SLC37A1: variants seen among roughly 807,000 people sequenced by gnomAD.
SLC37A1 encodes solute carrier family 37 member 1.
A neutral mutation model predicts 75.3 loss-of-function variants in SLC37A1; 49 were observed. The observed-to-expected ratio is 0.65, with a 90% CI of 0.52 to 0.83. The LOEUF is 0.83. Ranked by LOEUF, SLC37A1 falls within the 40% of genes least tolerant of loss-of-function variation. SLC37A1 has a pLI of 0.00. For synonymous variants in SLC37A1, 268 were observed against 292.1 expected, an observed-to-expected ratio of 0.92 and a Z score of 0.84; for missense variants, 566 against 695.0, an observed-to-expected ratio of 0.81 and a Z score of 2.09.
chr21:42,571,699 TCA>T (rs1555888464), intron 17 of SLC37A1, among the ~76,000 whole-genome samples: 2 of 144,450 alleles, frequency 1.4e-5, no homozygotes, highest in South Asian at 2.4e-4. Flanking sequence ...CTCCTCCTCC[TCA>T]GTTATACCAG....
At chr21:42,574,787 G>T in intron 17 of SLC37A1, 31 bp from the exon 18 acceptor site, 1 of 1,611,496 alleles carries the variant, frequency 6.2e-7, no homozygotes, top group Non-Finnish European at 8.5e-7. Context: ...TCTCTAAACA[G>T]CACCATGTGT....
chr21:42,530,656 C>CACACACACACCCA (rs1568997149), intron 3 of SLC37A1, among the ~76,000 whole-genome samples: 1 of 23,472 alleles, frequency 4.3e-5, no homozygotes, highest in African/African-American at 1.4e-4. Flanking sequence ...ACACACACAC[C>CACACACACACCCA]CCCTCTGTGT....
At chr21:42,555,750 C>G (rs2055672747) in intron 10 of SLC37A1, among the ~76,000 whole-genome samples, 1 of 152,218 alleles carries the variant, frequency 6.6e-6, no homozygotes, top group African/African-American at 2.4e-5. Flanking sequence ...TCTCTCTTTC[C>G]TTTTCCGGCC....
chr21:42,525,984 C>A, intron 3 of SLC37A1, 127 bp downstream of exon 3: 1 of 624,138 alleles, frequency 1.6e-6, no homozygotes, highest in South Asian at 2.3e-5. Context: ...ACAAGTTATT[C>A]TGCTGCTTTG....
chr21:42,563,223 G>T (rs1238383230), intron 12 of SLC37A1, among the ~76,000 whole-genome samples: 1 of 152,178 alleles, frequency 6.6e-6, no homozygotes, highest in Admixed American at 6.5e-5. Flanking sequence ...TGCAAAAGGG[G>T]TGACGTTCTC....
At chr21:42,529,871 T>C (rs564629232) in intron 3 of SLC37A1, among the ~76,000 whole-genome samples, 4 of 152,294 alleles carry the variant, frequency 2.6e-5, no homozygotes, top group East Asian at 3.9e-4. Context: ...TCATGCGTTC[T>C]TGATGGGATG....
chr21:42,536,750 C>T (rs1228600562), intron 5 of SLC37A1, among the ~76,000 whole-genome samples: 1 of 152,164 alleles, frequency 6.6e-6, no homozygotes, highest in East Asian at 1.9e-4. Flanking sequence ...TTATAGCAAC[C>T]AGCTCTCACC....
At chr21:42,535,774 C>T (rs142940124) in intron 5 of SLC37A1, among the ~76,000 whole-genome samples, 40 of 152,306 alleles carry the variant, frequency 2.6e-4, no homozygotes, top group African/African-American at 5.8e-4. Context: ...TTCCGTGTCC[C>T]GGGCACTGTG....
At chr21:42,518,698 G>T (rs988559317) in intron 2 of SLC37A1, among the ~76,000 whole-genome samples, 188 bp downstream of exon 2, 4 of 152,330 alleles carry the variant, frequency 2.6e-5, no homozygotes, top group Non-Finnish European at 4.4e-5. Context: ...GGTGTCCTTT[G>T]TCCTTGGTAC....
At chr21:42,501,254 T>A (rs936119901) in intron 1 of SLC37A1, among the ~76,000 whole-genome samples, 2 of 152,248 alleles carry the variant, frequency 1.3e-5, no homozygotes, top group Non-Finnish European at 2.9e-5. Context: ...CTTGTTTTTT[T>A]ATTCTTAAAT....
intron 18 of SLC37A1, 84 bp from the exon 19 acceptor site, chr21:42,579,652 G>C (rs552313725): frequency 2.9e-6 from 4 of 1,399,688 alleles, no homozygotes; most frequent in Non-Finnish European, 3.9e-6. Context: ...CAGGCCTTGC[G>C]GGCCAGGTCC....
chr21:42,564,621 C>G (rs995349851), intron 13 of SLC37A1, 87 bp from the exon 14 acceptor site: 3 of 1,049,620 alleles, frequency 2.9e-6, no homozygotes, highest in Non-Finnish European at 4.4e-6. Context: ...AGGAGGAGGC[C>G]GTTCTCCGAG....
At chr21:42,536,077 G>T (rs1450651767) in intron 5 of SLC37A1, among the ~76,000 whole-genome samples, 1 of 152,212 alleles carries the variant, frequency 6.6e-6, no homozygotes, top group Admixed American at 6.5e-5. Context: ...GGCGGGTGGG[G>T]AACTCCAGAG....
At chr21:42,525,946 G>T in intron 3 of SLC37A1, 89 bp downstream of exon 3, 1 of 892,246 alleles carries the variant, frequency 1.1e-6, no homozygotes, top group Non-Finnish European at 1.8e-6. Flanking sequence ...GATGGTAGCA[G>T]GTACATGGGG....
At chr21:42,546,844 A>C (rs891990183) in intron 8 of SLC37A1, among the ~76,000 whole-genome samples, 1 of 152,252 alleles carries the variant, frequency 6.6e-6, no homozygotes, top group Non-Finnish European at 1.5e-5. Context: ...GGTATGCAAC[A>C]TGGTGTTACA....
intron 1 of SLC37A1, among the ~76,000 whole-genome samples, chr21:42,500,191 T>C (rs905011350): frequency 6.6e-6 from 1 of 152,254 alleles, no homozygotes; most frequent in East Asian, 1.9e-4. Context: ...TATAGAACTA[T>C]GAGGTTGTTT....
Position 42,518,305 on chromosome 21 carries a change from G to A in SLC37A1, c.-150G>A. 8 of 904,640 alleles carry A rather than the reference G, an allele frequency of 8.8e-6. No homozygotes were observed. Among genetic ancestry groups the A allele is most frequent in the South Asian group, 1.5e-5 (1 of 66,334 alleles). The allele number at this position is 904,640 out of a possible 1,614,324, so 56.0% of individuals were successfully genotyped here. A position where few individuals can be genotyped will look rare whatever the true frequency, so the allele number is the denominator to read the frequency against. ...GCAGAGCCACTGCCAGAAGGAAGGGGACAAGACCCAGCAGGACACCTTCTT... is the reference window on the plus strand; with the variant it reads ...GCAGAGCCACTGCCAGAAGGAAGGGAACAAGACCCAGCAGGACACCTTCTT... On this transcript the variant is annotated 5_prime_UTR_variant, in exon 2 of 20. Coordinates refer to ENST00000352133, the MANE Select transcript of SLC37A1 (RefSeq NM_001320537.2).
At chr21:42,571,440 ATTT>A (rs576900211) in intron 17 of SLC37A1, among the ~76,000 whole-genome samples, 2 of 152,146 alleles carry the variant, frequency 1.3e-5, no homozygotes, top group Non-Finnish European at 2.9e-5. Flanking sequence ...CTTCAAGTTA[ATTT>A]TTATTTATTA....
chr21:42,565,023 A>C (rs1301798126), intron 14 of SLC37A1, among the ~76,000 whole-genome samples: 1 of 152,280 alleles, frequency 6.6e-6, no homozygotes, highest in African/African-American at 2.4e-5. Context: ...GCCGCGCGCA[A>C]GCTGCTCCTC....
Sources: allele counts gnomAD v4.1 joint callset (sites outside exome capture counted in the v4.1 genomes callset), GRCh38; gene constraint gnomAD v4.1.1; transcripts MANE v1.5; gene names NCBI Gene and HGNC (gene_info 2026-07-23, HGNC 2026-07-21).